ABCA13: variants seen among roughly 807,000 people sequenced by gnomAD.
ABCA13 encodes ATP-binding cassette sub-family A member 13.
Under a neutral mutation model 478.7 loss-of-function variants are expected in ABCA13, and 476 were observed. That is an observed-to-expected ratio of 0.99 (90% CI 0.92 to 1.07). ABCA13 has a LOEUF of 1.07. Ranked by LOEUF, ABCA13 falls within the 50% of genes least tolerant of loss-of-function variation. ABCA13 has a pLI of 0.00. For synonymous variants in ABCA13, 2,252 were observed against 2,158.9 expected, an observed-to-expected ratio of 1.04 and a Z score of -1.20; for missense variants, 6,060 against 5,910.6, an observed-to-expected ratio of 1.03 and a Z score of -0.83.
At chr7:48,620,813 G>C (rs936014611) in intron 59 of ABCA13, among the ~76,000 whole-genome samples, 5 of 152,158 alleles carry the variant, frequency 3.3e-5, no homozygotes, top group Admixed American at 6.5e-5. Context: ...CACAAGGATG[G>C]GTAGAGGGCG....
At chr7:48,552,011 A>C (rs1785371762) in intron 55 of ABCA13, among the ~76,000 whole-genome samples, 1 of 151,906 alleles carries the variant, frequency 6.6e-6, no homozygotes, top group African/African-American at 2.4e-5. Flanking sequence ...GCAAGAAAAC[A>C]AAACCCATTA....
chr7:48,379,684 C>T (rs1033577688), intron 35 of ABCA13, among the ~76,000 whole-genome samples: 3 of 151,278 alleles, frequency 2.0e-5, no homozygotes, highest in African/African-American at 7.3e-5. Context: ...AGAAGTAAAG[C>T]TAATATTAAG....
rs778223658 is a variant in ABCA13, at chr7:48,245,972, A to G, written c.1601A>G (p.Tyr534Cys). 3.7e-6 allele frequency: 6 copies of G among 1,613,826 alleles called. No homozygotes were observed. The highest frequency in any genetic ancestry group is 3.3e-5 in the Admixed American group (2 of 60,014). Residue 534 changes from tyrosine (Y) to cysteine (C), a missense_variant, in exon 13 of 62, where the codon TAT (tyrosine) becomes TGT (cysteine). This residue lies in a region of ABCA13 where 4,423 missense variants were observed against 4,309.1 expected (regional missense o/e 1.03). Coordinates refer to ENST00000435803, the MANE Select transcript of ABCA13 (RefSeq NM_152701.5). ...GGTGGTCTCCAGGGACTGTTGTGCT[A>G]TTGTAACTCCTCTGAGACGAGTGTT... ...IWGGLQGLLC[Y>C]CNSSETSVLN...
intron 55 of ABCA13, among the ~76,000 whole-genome samples, chr7:48,546,050 T>A (rs1215886441): frequency 1.3e-5 from 2 of 151,852 alleles, no homozygotes; most frequent in Non-Finnish European, 2.9e-5. Flanking sequence ...ACATTCATAC[T>A]TAGGCACTTT....
At chr7:48,540,595 T>C (rs1007611789) in intron 55 of ABCA13, among the ~76,000 whole-genome samples, 1 of 152,134 alleles carries the variant, frequency 6.6e-6, no homozygotes, top group Non-Finnish European at 1.5e-5. Context: ...ATGAAGCCCA[T>C]AGCTTATTGC....
intron 39 of ABCA13, among the ~76,000 whole-genome samples, chr7:48,405,397 C>T (rs1047617673): frequency 1.3e-5 from 2 of 152,216 alleles, no homozygotes; most frequent in East Asian, 1.9e-4. Flanking sequence ...AACCCTTCCC[C>T]GTTGCCACAA....
Position 48,276,216 on chromosome 7 carries a change from G to A in ABCA13, c.6550G>A (p.Ala2184Thr). Residue 2184 changes from alanine to threonine, a missense_variant, in exon 17 of 62, where the codon GCC (alanine) becomes ACC (threonine). By Grantham distance (58) the Ala-to-Thr change is moderately conservative. Around this residue, in one of 3 missense-constraint regions of ABCA13, gnomAD observed 4,423 missense variants for 4,309.1 expected, o/e 1.03. Coordinates refer to ENST00000435803, the MANE Select transcript of ABCA13 (RefSeq NM_152701.5). ...ATCTAGAGCAGGCAATTTTGATGTT[G>A]CCTTTCTTACCCATCTGCTAAATCA... ...NISRAGNFDV[A>T]FLTHLLNQEQ... 6.3e-7 allele frequency: 1 copy of A among 1,581,144 alleles called. No individual in the cohort carries two copies.
chr7:48,392,166 C>T, intron 38 of ABCA13, 27 bp downstream of exon 38: 1 of 1,596,940 alleles, frequency 6.3e-7, no homozygotes, highest in Non-Finnish European at 8.6e-7. Flanking sequence ...CTCTCTGCTC[C>T]TCCTGCCTCT....
chr7:48,616,161 A>G (rs997427530), intron 59 of ABCA13, among the ~76,000 whole-genome samples: 1 of 152,190 alleles, frequency 6.6e-6, no homozygotes, highest in African/African-American at 2.4e-5. Flanking sequence ...ATTCTCAAGC[A>G]GAGATTTGGT....
At chr7:48,350,619 T>A (rs1432365105) in intron 29 of ABCA13, 24 bp from the exon 30 acceptor site, 1 of 1,602,714 alleles carries the variant, frequency 6.2e-7, no homozygotes, top group Admixed American at 1.7e-5. Flanking sequence ...AGTTGATGTG[T>A]CCTAATCTGT....
intron 10 of ABCA13, among the ~76,000 whole-genome samples, chr7:48,241,960 C>T (rs949931034): frequency 6.6e-6 from 1 of 152,142 alleles, no homozygotes. Context: ...AAATACAGTT[C>T]CCTATCCGGG....
At chr7:48,580,113 T>A (rs942380707) in intron 55 of ABCA13, 111 bp from the exon 56 acceptor site, 1 of 1,151,408 alleles carries the variant, frequency 8.7e-7, no homozygotes, top group East Asian at 2.6e-5. Context: ...AATGAACTAA[T>A]TGTTTTAAAT....
chr7:48,434,626 G>T (rs896714209), intron 42 of ABCA13, among the ~76,000 whole-genome samples: 1 of 151,908 alleles, frequency 6.6e-6, no homozygotes, highest in African/African-American at 2.4e-5. Context: ...TTTCTTCCAA[G>T]AAGTTTATAG....
At chr7:48,625,403 A>G (rs569394930) in intron 59 of ABCA13, among the ~76,000 whole-genome samples, 4 of 152,368 alleles carry the variant, frequency 2.6e-5, no homozygotes, top group South Asian at 2.1e-4. Context: ...ATGTGGAACT[A>G]TGGAATGATG....
intron 59 of ABCA13, among the ~76,000 whole-genome samples, chr7:48,639,769 T>G (rs1794972208): frequency 2.0e-5 from 3 of 152,202 alleles, no homozygotes; most frequent in Non-Finnish European, 4.4e-5. Flanking sequence ...TTAGTTTCTA[T>G]ACCAAGAAGA....
In ABCA13 at chr7:48,281,495, C is replaced by T. The variant is rs759344228; in HGVS notation, c.8836+43C>T. 1.3e-5 allele frequency: 19 copies of T among 1,512,334 alleles called. 1 individual carries two copies. The South Asian group carries it at 2.3e-4, about 18-fold the overall frequency. 93.7% of individuals were successfully genotyped at this position (1,512,334 alleles called of 1,614,324 possible). Reference sequence around the variant, plus strand: ...CAAGTGCTCTGCAATTGCCCTGTGCCAGTTTTCAGAACTCAGGTGTCAGAG... The same window carrying T: ...CAAGTGCTCTGCAATTGCCCTGTGCTAGTTTTCAGAACTCAGGTGTCAGAG... On this transcript the variant is annotated intron_variant, in intron 19 of 61. Transcript: ENST00000435803.
chr7:48,458,494 A>C (rs959778828), intron 43 of ABCA13, among the ~76,000 whole-genome samples: 7 of 152,192 alleles, frequency 4.6e-5, no homozygotes, highest in African/African-American at 1.7e-4. Flanking sequence ...AAAAATCATG[A>C]ATGCATTAGC....
intron 43 of ABCA13, among the ~76,000 whole-genome samples, chr7:48,457,286 TAA>T (rs1554521138): frequency 1.3e-5 from 2 of 152,192 alleles, no homozygotes; most frequent in East Asian, 1.9e-4. Context: ...TATATATATA[TAA>T]GTGTATTTCC....
chr7:48,184,580 A>T (rs1203665378), intron 1 of ABCA13, among the ~76,000 whole-genome samples: 1 of 152,034 alleles, frequency 6.6e-6, no homozygotes, highest in Non-Finnish European at 1.5e-5. Flanking sequence ...AGCACTTTGG[A>T]AGGCTGAGGT....
Sources: allele counts gnomAD v4.1 joint callset (sites outside exome capture counted in the v4.1 genomes callset), GRCh38; gene constraint gnomAD v4.1.1; regional missense constraint gnomAD v4.1.1; transcripts MANE v1.5; gene names NCBI Gene and HGNC (gene_info 2026-07-23, HGNC 2026-07-21).